Variants in CCDC30 observed in about 807,000 individuals in gnomAD.
CCDC30 encodes coiled-coil domain containing 30, also known as coiled-coil domain-containing protein 30.
CCDC30 carries 70 observed loss-of-function variants against 100.2 expected under a neutral mutation model. The ratio of observed to expected loss-of-function variants is 0.70; its 90% CI spans 0.58 to 0.85. The LOEUF is 0.85. Ranked by LOEUF, CCDC30 falls within the 40% of genes least tolerant of loss-of-function variation. The probability of loss-of-function intolerance (pLI) is 0.00; values close to 1 mark genes in which losing one functional copy is unlikely to be tolerated. For synonymous variants in CCDC30, 233 were observed against 269.5 expected, an observed-to-expected ratio of 0.86 and a Z score of 1.33; for missense variants, 652 against 771.2, an observed-to-expected ratio of 0.85 and a Z score of 1.83.
At chr1:42,642,143 A>G (rs12033447) in intron 12 of CCDC30, among the ~76,000 whole-genome samples, 20,892 of 151,824 alleles carry the variant, frequency 0.14, 1,651 homozygotes, top group East Asian at 0.31. Context: ...GGAGAATGGC[A>G]TGAACCTGGG....
intron 11 of CCDC30, among the ~76,000 whole-genome samples, chr1:42,621,838 G>A (rs981390646): frequency 3.3e-5 from 5 of 151,944 alleles, no homozygotes; most frequent in Non-Finnish European, 7.4e-5. Context: ...GTAGAGTCAA[G>A]GTCTTACTAT....
chr1:42,480,526 T>C, exon 2 of CCDC30: 1 of 729,060 alleles, frequency 1.4e-6, no homozygotes, highest in Non-Finnish European at 1.7e-6. Context: ...TGGGCTCAAG[T>C]AATCCTCCTG....
intron 14 of CCDC30, 68 bp downstream of exon 18, chr1:42,644,875 G>T: frequency 1.0e-6 from 1 of 979,180 alleles, no homozygotes; most frequent in Non-Finnish European, 1.6e-6. Flanking sequence ...CTGCTGTGCT[G>T]TCTCTTGCCT....
intron 6 of CCDC30, among the ~76,000 whole-genome samples, chr1:42,544,209 A>G (rs1342038980): frequency 6.6e-6 from 1 of 152,098 alleles, no homozygotes; most frequent in Non-Finnish European, 1.5e-5. Context: ...CCTTTCTTAG[A>G]ATCATTCCCC....
At chr1:42,614,787 GAAA>G (rs199699271) in intron 11 of CCDC30, among the ~76,000 whole-genome samples, 1 of 133,442 alleles carries the variant, frequency 7.5e-6, no homozygotes. Flanking sequence ...ACTCCATCTC[GAAA>G]AAAAAAAAAA....
At chr1:42,577,022 A>G (rs1259439371) in exon 8 of CCDC30, 2 of 1,605,520 alleles carry the variant, frequency 1.2e-6, no homozygotes, top group Non-Finnish European at 1.7e-6. Context: ...ACCTCTAGAT[A>G]AAGATTGAAC....
At chr1:42,458,863 A>T (rs1352034801), upstream of CCDC30, among the ~76,000 whole-genome samples, 2 of 152,256 alleles carry the variant, frequency 1.3e-5, no homozygotes, top group Non-Finnish European at 2.9e-5. Flanking sequence ...GTTACATGTG[A>T]CAATTTAAAA....
chr1:42,614,143 G>C (rs6682511), intron 11 of CCDC30, among the ~76,000 whole-genome samples: 94,713 of 148,850 alleles, frequency 0.64, 30,369 homozygotes, highest in South Asian at 0.7. Flanking sequence ...TGCAGTGGCC[G>C]GATCTCGGCT....
intron 15 of CCDC30, 52 bp downstream of exon 19, chr1:42,646,369 G>C (rs1205178844): frequency 2.2e-6 from 3 of 1,351,642 alleles, no homozygotes; most frequent in African/African-American, 3.0e-5. Flanking sequence ...CATTCTGCCA[G>C]GCACCCACTG....
At chr1:42,619,650 C>T (rs538350651) in intron 11 of CCDC30, among the ~76,000 whole-genome samples, 2 of 152,222 alleles carry the variant, frequency 1.3e-5, no homozygotes, top group South Asian at 4.2e-4. Context: ...ATTATAGCAG[C>T]CCTCAGAGAG....
At chr1:42,566,499 T>A (rs779942009) in intron 7 of CCDC30, 24 bp downstream of exon 11, 1 of 1,594,354 alleles carries the variant, frequency 6.3e-7, no homozygotes, top group South Asian at 1.1e-5. Context: ...GCAAATGCTT[T>A]ATGGAAGGGT....
At chr1:42,544,074 A>G (rs1645072060) in intron 6 of CCDC30, among the ~76,000 whole-genome samples, 1 of 152,086 alleles carries the variant, frequency 6.6e-6, no homozygotes, top group Admixed American at 6.5e-5. Context: ...TTATTTGGGT[A>G]CAGACACGGG....
intron 6 of CCDC30, among the ~76,000 whole-genome samples, chr1:42,503,831 A>G (rs1182343846): frequency 1.3e-5 from 2 of 152,106 alleles, no homozygotes; most frequent in Non-Finnish European, 2.9e-5. Context: ...CTCCTATCTT[A>G]TTCCCCCCTC....
Position 42,577,057 on chromosome 1 carries a change from TAGAC to T in CCDC30, c.677_680del (p.Asp226AlafsTer64), listed in dbSNP as rs780957822. On this transcript the variant is annotated frameshift_variant, in exon 8 of 17. Transcript: ENST00000668663. LOFTEE classifies it high-confidence loss of function. ...CTAAAGCATGCCCAACAGAAGTTAT[TAGAC>T]AGCACAAAGATGTGCTCTTCACTCA... The T allele has an allele frequency of 5.6e-6, 9 of 1,613,930 alleles. No individual in the cohort carries two copies. The African/African-American group carries it at 1.2e-4, about 22-fold the overall frequency.
chr1:42,547,314 T>A (rs1481179488), intron 6 of CCDC30, among the ~76,000 whole-genome samples: 1 of 152,194 alleles, frequency 6.6e-6, no homozygotes, highest in Non-Finnish European at 1.5e-5. Flanking sequence ...TATCTCTTTA[T>A]TAGATAAAAT....
chr1:42,556,448 T>C (rs1487326785), intron 6 of CCDC30, 43 bp downstream of exon 10: 6 of 1,535,684 alleles, frequency 3.9e-6, no homozygotes, highest in Middle Eastern at 1.9e-4. Flanking sequence ...TCGTTTCCTC[T>C]GATTGGCTGT....
intron 8 of CCDC30, among the ~76,000 whole-genome samples, chr1:42,579,486 T>C (rs1025678823): frequency 1.3e-5 from 2 of 150,840 alleles, no homozygotes; most frequent in African/African-American, 4.9e-5. Flanking sequence ...ATACAGAAAT[T>C]AGCCAGGTGT....
exon 17 of CCDC30, chr1:42,653,994 G>T: frequency 6.2e-7 from 1 of 1,613,952 alleles, no homozygotes; most frequent in Non-Finnish European, 8.5e-7. Flanking sequence ...GAGACACATG[G>T]TATACAAGAA....
intron 6 of CCDC30, among the ~76,000 whole-genome samples, chr1:42,559,149 AAT>A (rs1217300492): frequency 1.1e-4 from 17 of 152,340 alleles, no homozygotes; most frequent in African/African-American, 4.1e-4. Context: ...AGAAACACTA[AAT>A]ATGGAAAGGA....
Sources: gnomAD v4.1 joint callset for allele counts (sites outside exome capture counted in the v4.1 genomes callset) on GRCh38, gnomAD v4.1.1 for gene constraint, MANE v1.5 for transcripts, NCBI Gene and HGNC (gene_info 2026-07-23, HGNC 2026-07-21) for gene names.